Variants in SCAF8 observed in about 807,000 individuals in gnomAD.
SCAF8 encodes SR-related and CTD-associated factor 8.
A neutral mutation model predicts 140.5 loss-of-function variants in SCAF8; 23 were observed. The ratio of observed to expected loss-of-function variants is 0.16; its 90% CI spans 0.12 to 0.23. The LOEUF is 0.23. SCAF8 is among the 10% of genes least tolerant of loss of function. The pLI is 1.00. For missense variants in SCAF8, 1,397 were observed against 1,555.7 expected, an observed-to-expected ratio of 0.90 and a Z score of 1.72; for synonymous variants, 575 against 528.9, an observed-to-expected ratio of 1.09 and a Z score of -1.20.
intron 1 of SCAF8, among the ~76,000 whole-genome samples, chr6:154,740,133 A>G (rs2114789696): frequency 6.6e-6 from 1 of 152,300 alleles, no homozygotes; most frequent in South Asian, 2.1e-4. Context: ...AAGATGTAGC[A>G]TATTAATTAG....
chr6:154,804,853 T>A (rs1308831243), intron 8 of SCAF8, among the ~76,000 whole-genome samples: 2 of 152,146 alleles, frequency 1.3e-5, no homozygotes, highest in Non-Finnish European at 1.5e-5. Flanking sequence ...TTATTTTTTC[T>A]TATTTAAACA....
At chr6:154,758,063 A>G (rs1779010523) in intron 1 of SCAF8, among the ~76,000 whole-genome samples, 1 of 151,986 alleles carries the variant, frequency 6.6e-6, no homozygotes, top group African/African-American at 2.4e-5. Context: ...GGTGTGTGCC[A>G]TCACTCCCAG....
At chr6:154,781,849 T>C (rs1777094879) in intron 3 of SCAF8, among the ~76,000 whole-genome samples, 1 of 152,186 alleles carries the variant, frequency 6.6e-6, no homozygotes, top group Non-Finnish European at 1.5e-5. Context: ...CCAAACTGTT[T>C]TCCAAGATGG....
intron 2 of SCAF8, among the ~76,000 whole-genome samples, chr6:154,777,618 A>T (rs1333858310): frequency 2.6e-5 from 4 of 152,246 alleles, no homozygotes; most frequent in African/African-American, 9.6e-5. Flanking sequence ...TGATAAAATC[A>T]TACTGTATGA....
intron 12 of SCAF8, among the ~76,000 whole-genome samples, chr6:154,811,873 C>T (rs1208924959): frequency 6.6e-6 from 1 of 152,056 alleles, no homozygotes; most frequent in Non-Finnish European, 1.5e-5. Flanking sequence ...TGAACTCATC[C>T]TTTTTTATGG....
intron 1 of SCAF8, among the ~76,000 whole-genome samples, chr6:154,748,767 T>C (rs747145324): frequency 1.6e-4 from 25 of 152,220 alleles, no homozygotes; most frequent in African/African-American, 2.7e-4. Flanking sequence ...GCAACTTAGC[T>C]GAAGAGTAGT....
chr6:154,759,325 C>CT (rs1779042573), intron 1 of SCAF8, among the ~76,000 whole-genome samples: 2 of 152,104 alleles, frequency 1.3e-5, no homozygotes, highest in Admixed American at 6.5e-5. Context: ...AATTAAAGGA[C>CT]TTATGCAGAT....
chr6:154,736,141 G>GT (rs1011929031), intron 1 of SCAF8, among the ~76,000 whole-genome samples: 3 of 151,180 alleles, frequency 2.0e-5, no homozygotes, highest in Non-Finnish European at 4.4e-5. Context: ...GTTTTGTTTT[G>GT]TTTTTTGCCC....
intron 1 of SCAF8, among the ~76,000 whole-genome samples, chr6:154,743,855 A>G (rs1778631472): frequency 6.6e-6 from 1 of 152,198 alleles, no homozygotes; most frequent in Non-Finnish European, 1.5e-5. Flanking sequence ...TTGCCCTTCA[A>G]GTGAGTTTTG....
intron 5 of SCAF8, among the ~76,000 whole-genome samples, chr6:154,794,155 C>G (rs976952987): frequency 6.6e-6 from 1 of 151,996 alleles, no homozygotes; most frequent in African/African-American, 2.4e-5. Flanking sequence ...GTCTCGAACT[C>G]TAGGGCCCAA....
Position 154,822,426 on chromosome 6 carries a change from G to T in SCAF8, c.1926+17G>T. 1 of 1,574,374 alleles carries T rather than the reference G, an allele frequency of 6.4e-7. No homozygotes were observed. Reference sequence around the variant, plus strand: ...ATGTTGCAGGTTAGTGTTGAAGTGGGGTTTTTTTTTTCTTGTGTTGTTTTA... The same window carrying T: ...ATGTTGCAGGTTAGTGTTGAAGTGGTGTTTTTTTTTTCTTGTGTTGTTTTA... On this transcript the variant is annotated intron_variant, in intron 16 of 19. Coordinates refer to ENST00000367178, the MANE Select transcript of SCAF8 (RefSeq NM_014892.5).
Position 154,746,654 on chromosome 6 carries a change from G to T in SCAF8, c.30+12724G>T, listed in dbSNP as rs573287280. Among the ~76,000 whole-genome samples, 966 of 152,280 alleles carry T rather than the reference G, an allele frequency of 6.3e-3. 13 individuals are homozygous for T. Among genetic ancestry groups the T allele is most frequent in the African/African-American group, 0.022 (911 of 41,562 alleles). ...TTCAGAATTGCTAAAGCATATATCTGTAAACAAACCTATTAATTAGAGTTT... is the reference window on the plus strand; with the variant it reads ...TTCAGAATTGCTAAAGCATATATCTTTAAACAAACCTATTAATTAGAGTTT... On this transcript the variant is annotated intron_variant, in intron 1 of 19. Transcript: ENST00000367178.
intron 6 of SCAF8, among the ~76,000 whole-genome samples, chr6:154,795,429 C>G (rs1443487464): frequency 6.6e-6 from 1 of 152,226 alleles, no homozygotes; most frequent in East Asian, 1.9e-4. Flanking sequence ...AGACAGGAGT[C>G]CTATCTTAGA....
chr6:154,766,197 AGAG>A (rs1376787324), intron 1 of SCAF8, among the ~76,000 whole-genome samples: 1 of 152,156 alleles, frequency 6.6e-6, no homozygotes, highest in Admixed American at 6.6e-5. Flanking sequence ...AGGAAGGGAA[AGAG>A]GAGTGATTGG....
At chr6:154,767,529 C>CTTTTTTTTTTTTTTTTTT (rs71021076) in intron 1 of SCAF8, among the ~76,000 whole-genome samples, 1 of 91,036 alleles carries the variant, frequency 1.1e-5, no homozygotes, top group Non-Finnish European at 2.2e-5. Context: ...CTTCTGTTAT[C>CTTTTTTTTTTTTTTTTTT]TTTTTTTTTT....
chr6:154,767,052 T>TTG (rs777208448), intron 1 of SCAF8, among the ~76,000 whole-genome samples: 2 of 152,152 alleles, frequency 1.3e-5, no homozygotes, highest in African/African-American at 2.4e-5. Flanking sequence ...ACCAGGGGCA[T>TTG]TGTCCAGTAT....
intron 1 of SCAF8, among the ~76,000 whole-genome samples, chr6:154,740,038 C>T (rs929438953): frequency 1.3e-5 from 2 of 152,106 alleles, no homozygotes; most frequent in African/African-American, 4.8e-5. Context: ...GTTTTCCTTT[C>T]CTATTATCAT....
At chr6:154,739,520 C>G (rs1778514774) in intron 1 of SCAF8, among the ~76,000 whole-genome samples, 1 of 151,998 alleles carries the variant, frequency 6.6e-6, no homozygotes, top group Admixed American at 6.6e-5. Flanking sequence ...AGATGTAGGA[C>G]CGGATATGTA....
chr6:154,829,069 A>G (rs1034167640), intron 18 of SCAF8, among the ~76,000 whole-genome samples: 7 of 152,150 alleles, frequency 4.6e-5, no homozygotes, highest in Non-Finnish European at 7.4e-5. Flanking sequence ...TGTTTGTTAC[A>G]TGAGTAACCT....
Sources: allele counts gnomAD v4.1 joint callset (sites outside exome capture counted in the v4.1 genomes callset), GRCh38; gene constraint gnomAD v4.1.1; transcripts MANE v1.5; gene names NCBI Gene and HGNC (gene_info 2026-07-23, HGNC 2026-07-21).